Variants in MACROD2 observed in about 807,000 individuals in gnomAD.
MACROD2 encodes the protein mono-ADP ribosylhydrolase 2, also known as ADP-ribose glycohydrolase MACROD2.
In MACROD2, 36 loss-of-function variants were observed where a neutral mutation model predicts 70.4. The observed-to-expected ratio is 0.51, with a 90% CI of 0.39 to 0.68. MACROD2 has a LOEUF of 0.68. Among genes scored for constraint, MACROD2 ranks in the 30% least tolerant of loss-of-function variants. The pLI is 0.00. For missense variants in MACROD2, 496 were observed against 538.4 expected (o/e 0.92, Z 0.78); for synonymous variants, 172 against 178.8 (o/e 0.96, Z 0.30).
intron 3 of MACROD2, among the ~76,000 whole-genome samples, chr20:14,168,382 C>CT (rs1419102834): frequency 5.3e-5 from 8 of 151,872 alleles, no homozygotes; most frequent in Non-Finnish European, 1.0e-4. Context: ...AAAATCAAGA[C>CT]TTTTTTTTAG....
chr20:14,724,171 C>T (rs1451192142), intron 5 of MACROD2, among the ~76,000 whole-genome samples: 1 of 152,022 alleles, frequency 6.6e-6, no homozygotes, highest in Non-Finnish European at 1.5e-5. Flanking sequence ...ACTAAGTTCT[C>T]AGACTAAGGT....
intron 5 of MACROD2, among the ~76,000 whole-genome samples, chr20:14,999,217 G>A (rs1394785194): frequency 6.6e-6 from 1 of 152,212 alleles, no homozygotes; most frequent in African/African-American, 2.4e-5. Flanking sequence ...ATTGGGAGTA[G>A]TAAGTACACA....
At chr20:15,323,637 C>T (rs2077895917) in intron 6 of MACROD2, among the ~76,000 whole-genome samples, 1 of 152,190 alleles carries the variant, frequency 6.6e-6, no homozygotes, top group Non-Finnish European at 1.5e-5. Flanking sequence ...CTTAGCTTTT[C>T]TTTTCCCACA....
chr20:14,221,926 A>G (rs1204296033), intron 3 of MACROD2, among the ~76,000 whole-genome samples: 3 of 152,248 alleles, frequency 2.0e-5, no homozygotes, highest in East Asian at 1.9e-4. Context: ...CCACAATGAG[A>G]TATCATCTTA....
rs542859343 is a variant in MACROD2 at position 15,554,129 on chromosome 20, G to A, written c.645+54282G>A. 2.0e-5 allele frequency among the ~76,000 whole-genome samples: 3 copies of A among 152,306 alleles called. No homozygotes were observed. In the East Asian group the frequency reaches 5.8e-4, roughly 29 times the overall value. On this transcript the variant is annotated intron_variant, in intron 8 of 17. Transcript: ENST00000684519. ...CATGGCTGGACTGGAAAGAGATGTAGGAGTTAGAATAGATGAGGCTTAGTA... is the reference window on the plus strand; with the variant it reads ...CATGGCTGGACTGGAAAGAGATGTAAGAGTTAGAATAGATGAGGCTTAGTA...
At chr20:14,826,028 A>G (rs550241482) in intron 5 of MACROD2, among the ~76,000 whole-genome samples, 1 of 152,192 alleles carries the variant, frequency 6.6e-6, no homozygotes, top group Non-Finnish European at 1.5e-5. Context: ...ACCTATCATT[A>G]TCAATACAGA....
chr20:14,159,311 T>C (rs2055150101), intron 3 of MACROD2, among the ~76,000 whole-genome samples: 1 of 152,184 alleles, frequency 6.6e-6, no homozygotes, highest in African/African-American at 2.4e-5. Flanking sequence ...AATTTATAGA[T>C]TGTTTTGGGC....
intron 6 of MACROD2, among the ~76,000 whole-genome samples, chr20:15,324,311 C>T (rs958298224): frequency 6.6e-6 from 1 of 152,086 alleles, no homozygotes; most frequent in African/African-American, 2.4e-5. Flanking sequence ...TCCCCTTCAG[C>T]TCAGTCTTTG....
At chr20:15,572,645 G>A (rs73260615) in intron 8 of MACROD2, among the ~76,000 whole-genome samples, 3,597 of 152,030 alleles carry the variant, frequency 0.024, 148 homozygotes, top group African/African-American at 0.083. Context: ...TATATTATCT[G>A]TACTATGATT....
chr20:14,943,696 G>T (rs1338560897), intron 5 of MACROD2, among the ~76,000 whole-genome samples: 1 of 152,084 alleles, frequency 6.6e-6, no homozygotes, highest in Non-Finnish European at 1.5e-5. Flanking sequence ...GTTTTGGAAA[G>T]GATTATTTAA....
At position 15,251,967 on chromosome 20, in the gene MACROD2, A is replaced by G. The variant is rs548749782; in HGVS notation, c.540+21906A>G. On this transcript the variant is annotated intron_variant, in intron 6 of 17. Coordinates refer to ENST00000684519, the MANE Select transcript of MACROD2 (RefSeq NM_001351661.2). ...CAGTAGAAAATAAAAATAATTAGCTAGTGTTTTGTAAGGAGGGAACATAAA... is the reference window on the plus strand; with the variant it reads ...CAGTAGAAAATAAAAATAATTAGCTGGTGTTTTGTAAGGAGGGAACATAAA... 3.3e-5 allele frequency among the ~76,000 whole-genome samples: 5 copies of G among 152,328 alleles called. No individual in the cohort carries two copies. In the South Asian group the frequency reaches 8.3e-4, roughly 25 times the overall value.
intron 6 of MACROD2, among the ~76,000 whole-genome samples, chr20:15,352,200 A>G (rs2078235305): frequency 6.6e-6 from 1 of 152,162 alleles, no homozygotes; most frequent in Non-Finnish European, 1.5e-5. Flanking sequence ...AGCAGTGCAG[A>G]ATTGATCACT....
At chr20:15,116,213 C>G (rs570098339) in intron 5 of MACROD2, among the ~76,000 whole-genome samples, 2 of 152,248 alleles carry the variant, frequency 1.3e-5, no homozygotes, top group Admixed American at 6.5e-5. Context: ...TGTGTGTGTC[C>G]ACTTATATGT....
intron 7 of MACROD2, among the ~76,000 whole-genome samples, chr20:15,449,235 G>C (rs1014934827): frequency 1.3e-5 from 2 of 152,008 alleles, no homozygotes; most frequent in Admixed American, 1.3e-4. Context: ...CTGAGCCTTG[G>C]CTAATAATTG....
At chr20:15,927,963 A>G (rs1185642269) in intron 10 of MACROD2, among the ~76,000 whole-genome samples, 1 of 152,224 alleles carries the variant, frequency 6.6e-6, no homozygotes, top group African/African-American at 2.4e-5. Flanking sequence ...TCTCTGTCCC[A>G]GACTACTGTG....
At chr20:15,687,494 T>C (rs1195972347) in intron 8 of MACROD2, among the ~76,000 whole-genome samples, 1 of 144,998 alleles carries the variant, frequency 6.9e-6, no homozygotes, top group African/African-American at 2.8e-5. Context: ...ATTCTGACAT[T>C]GGTTGTCCTT....
intron 12 of MACROD2, among the ~76,000 whole-genome samples, chr20:15,959,424 T>C (rs781768954): frequency 1.3e-5 from 2 of 152,236 alleles, no homozygotes; most frequent in Non-Finnish European, 2.9e-5. Context: ...AGCCCATGTA[T>C]AAGTTTCGTG....
chr20:14,402,728 A>G (rs1302615437), intron 3 of MACROD2, among the ~76,000 whole-genome samples: 1 of 152,224 alleles, frequency 6.6e-6, no homozygotes, highest in African/African-American at 2.4e-5. Context: ...ATAGGATCTT[A>G]GTGAACTAAC....
chr20:15,885,765 C>T lies in MACROD2; in HGVS notation c.729C>T (p.Asp243=), dbSNP rs374819973. ...TTATGTTTTCCTATTTTTTAACAGACGATAATAATGAAGAAGAAGAGGATG... is the reference window on the plus strand; with the variant it reads ...TTATGTTTTCCTATTTTTTAACAGATGATAATAATGAAGAAGAAGAGGATG... ...KKKMNEFFSV[D]DNNEEEEDVE... Residue 243 remains aspartate, a splice_region_variant and synonymous_variant, in exon 10 of 18, where the codon GAC becomes GAT. Coordinates refer to ENST00000684519, the MANE Select transcript of MACROD2 (RefSeq NM_001351661.2). 339 of 1,472,898 alleles carry T rather than the reference C, an allele frequency of 2.3e-4. No individual in the cohort carries two copies. The highest frequency in any genetic ancestry group is 3.7e-4 in the African/African-American group (25 of 68,160). 91.2% of individuals were successfully genotyped at this position (1,472,898 alleles called of 1,614,324 possible).
Sources: allele counts gnomAD v4.1 joint callset (sites outside exome capture counted in the v4.1 genomes callset), GRCh38; gene constraint gnomAD v4.1.1; transcripts MANE v1.5; gene names NCBI Gene and HGNC (gene_info 2026-07-23, HGNC 2026-07-21).